The following CAMK1D variants were observed in gnomAD, a reference collection of about 807,000 sequenced individuals.
The protein encoded by CAMK1D is calcium/calmodulin dependent protein kinase ID.
A neutral mutation model predicts 47.7 loss-of-function variants in CAMK1D; 9 were observed. The ratio of observed to expected loss-of-function variants is 0.19; its 90% CI spans 0.11 to 0.33. The LOEUF (loss-of-function observed/expected upper bound fraction) is 0.33, where lower values mean the gene tolerates loss of function less well. CAMK1D is among the 10% of genes least tolerant of loss of function. The pLI, the probability that CAMK1D is intolerant of heterozygous loss-of-function variation, is 1.00. For missense variants in CAMK1D, 291 were observed against 488.7 expected, an observed-to-expected ratio of 0.60 and a Z score of 3.81; for synonymous variants, 184 against 184.9, an observed-to-expected ratio of 0.99 and a Z score of 0.04.
Position 12,492,389 on chromosome 10 carries a change from A to G in CAMK1D, c.93-60836A>G, listed in dbSNP as rs531666662. Among the ~76,000 whole-genome samples the G allele has an allele frequency of 3.2e-4, 49 of 151,334 alleles. No homozygotes were observed. The East Asian group carries it at 8.0e-3, about 25-fold the overall frequency. On this transcript the variant is annotated intron_variant, in intron 1 of 10. Transcript: ENST00000619168. ...AAGAAAAGACTGGGTGCAGTGGCTCATACCTGCCATCCACTCGCATGCTTT... is the reference window on the plus strand; with the variant it reads ...AAGAAAAGACTGGGTGCAGTGGCTCGTACCTGCCATCCACTCGCATGCTTT...
At chr10:12,615,905 G>GGT (rs752886942) in intron 2 of CAMK1D, among the ~76,000 whole-genome samples, 1 of 151,164 alleles carries the variant, frequency 6.6e-6, no homozygotes, top group Admixed American at 6.6e-5. Context: ...AGCATGTGCT[G>GGT]GTGTGTGTAT....
intron 1 of CAMK1D, among the ~76,000 whole-genome samples, chr10:12,482,721 T>C (rs905774138): frequency 2.0e-5 from 3 of 152,232 alleles, no homozygotes; most frequent in Non-Finnish European, 4.4e-5. Context: ...TCTTTTGTTA[T>C]GCACATGTAA....
intron 8 of CAMK1D, among the ~76,000 whole-genome samples, chr10:12,816,745 G>A (rs747452341): frequency 1.4e-4 from 22 of 151,778 alleles, no homozygotes; most frequent in African/African-American, 4.4e-4. Flanking sequence ...GGTGGCGCGC[G>A]CCTGTAATCC....
intron 2 of CAMK1D, among the ~76,000 whole-genome samples, chr10:12,585,746 C>T (rs1277744796): frequency 1.3e-5 from 2 of 152,156 alleles, no homozygotes; most frequent in African/African-American, 2.4e-5. Flanking sequence ...TCCCACAACA[C>T]GTGGGAATTA....
chr10:12,778,379 C>T (rs1253975670), intron 5 of CAMK1D, among the ~76,000 whole-genome samples: 2 of 152,190 alleles, frequency 1.3e-5, no homozygotes, highest in Non-Finnish European at 2.9e-5. Flanking sequence ...GGATTGTACA[C>T]ACCCTTTGCA....
chr10:12,760,781 C>T (rs1436112694), intron 3 of CAMK1D, among the ~76,000 whole-genome samples, 167 bp from the exon 4 acceptor site: 1 of 152,118 alleles, frequency 6.6e-6, no homozygotes, highest in African/African-American at 2.4e-5. Context: ...TCTGCTGTGA[C>T]ATGGAAACAT....
chr10:12,479,476 G>A (rs189627909), intron 1 of CAMK1D, among the ~76,000 whole-genome samples: 150 of 152,278 alleles, frequency 9.9e-4, no homozygotes, highest in Non-Finnish European at 1.9e-3. Flanking sequence ...GATTATAGGC[G>A]CCAGCACCGA....
intron 1 of CAMK1D, among the ~76,000 whole-genome samples, chr10:12,541,468 G>A (rs1290354533): frequency 1.3e-5 from 2 of 152,078 alleles, no homozygotes; most frequent in Admixed American, 1.3e-4. Context: ...GGTTCAAGCA[G>A]TTCTCCTGCC....
intron 6 of CAMK1D, among the ~76,000 whole-genome samples, chr10:12,794,232 T>C (rs1838097297): frequency 2.0e-5 from 3 of 152,028 alleles, no homozygotes. Flanking sequence ...AGTCTTCAAG[T>C]CTCAATCCAA....
In CAMK1D at chr10:12,490,888, C is replaced by T. The variant is rs187165520; in HGVS notation, c.93-62337C>T. 3.9e-4 allele frequency among the ~76,000 whole-genome samples: 60 copies of T among 152,264 alleles called. 1 individual carries two copies. The highest frequency in any genetic ancestry group is 1.4e-3 in the African/African-American group (58 of 41,542). On this transcript the variant is annotated intron_variant, in intron 1 of 10. Coordinates refer to ENST00000619168, the MANE Select transcript of CAMK1D (RefSeq NM_153498.4). Reference sequence around the variant, plus strand: ...ATTTGGTGATGACATACTGTATGCACACATCAGAATATCACACATGCCCCA... The same window carrying T: ...ATTTGGTGATGACATACTGTATGCATACATCAGAATATCACACATGCCCCA...
chr10:12,734,445 T>C lies in CAMK1D; in HGVS notation c.300-26503T>C, dbSNP rs1446596179. ...ATGTATATATATATACACACACACATATGTGTATATATACACATACACATA... is the reference window on the plus strand; with the variant it reads ...ATGTATATATATATACACACACACACATGTGTATATATACACATACACATA... On this transcript the variant is annotated intron_variant, in intron 3 of 10. Transcript: ENST00000619168. Among the ~76,000 whole-genome samples, 7 of 4,094 alleles carry C rather than the reference T, an allele frequency of 1.7e-3. 1 individual carries two copies. The highest frequency in any genetic ancestry group is 1.9e-3 in the African/African-American group (7 of 3,782). The allele number at this position is 4,094 out of a possible 152,430, so 2.7% of individuals were successfully genotyped here.
At chr10:12,401,884 A>G (rs1380600803) in intron 1 of CAMK1D, among the ~76,000 whole-genome samples, 6 of 115,318 alleles carry the variant, frequency 5.2e-5, no homozygotes, top group Non-Finnish European at 7.3e-5. Context: ...GGGAATATAT[A>G]TATTCTCAGA....
At chr10:12,436,206 C>T (rs1187137571) in intron 1 of CAMK1D, among the ~76,000 whole-genome samples, 1 of 152,184 alleles carries the variant, frequency 6.6e-6, no homozygotes, top group Non-Finnish European at 1.5e-5. Context: ...CTTCCTCTTC[C>T]ACGTACAGGC....
intron 6 of CAMK1D, among the ~76,000 whole-genome samples, chr10:12,803,657 A>AAATAAT (rs374759038): frequency 0.038 from 5,745 of 151,854 alleles, 135 homozygotes; most frequent in Non-Finnish European, 0.057. Context: ...TCCATCTCAA[A>AAATAAT]AATAATAATA....
At chr10:12,384,805 A>G (rs1051289103) in intron 1 of CAMK1D, among the ~76,000 whole-genome samples, 6 of 152,358 alleles carry the variant, frequency 3.9e-5, no homozygotes, top group African/African-American at 1.4e-4. Flanking sequence ...ATTGTATTTC[A>G]TCAAAAATTG....
At position 12,593,530 on chromosome 10, in the gene CAMK1D, C is replaced by T. The variant is rs138637542; in HGVS notation, c.224+40174C>T. On this transcript the variant is annotated intron_variant, in intron 2 of 10. Coordinates refer to ENST00000619168, the MANE Select transcript of CAMK1D (RefSeq NM_153498.4). The stretch of plus-strand genomic sequence containing the variant: ...ACTTGAACCCGGGAGGCGGAGGTTG[C>T]GATGAGCCAAGATTGTGCCATTGCA... Among the ~76,000 whole-genome samples the T allele has an allele frequency of 1.7e-3, 254 of 151,092 alleles. 4 individuals carry two copies. The East Asian group carries it at 0.044, about 26-fold the overall frequency.
intron 1 of CAMK1D, among the ~76,000 whole-genome samples, chr10:12,514,680 G>C (rs561340664): frequency 2.0e-5 from 3 of 152,208 alleles, no homozygotes; most frequent in Non-Finnish European, 4.4e-5. Context: ...GTTTTACAGA[G>C]TACGAAGCTA....
intron 1 of CAMK1D, among the ~76,000 whole-genome samples, chr10:12,427,570 G>A (rs1840275698): frequency 6.6e-6 from 1 of 151,992 alleles, no homozygotes; most frequent in Non-Finnish European, 1.5e-5. Flanking sequence ...AATAACCAGC[G>A]CCCCAGCCTG....
At chr10:12,507,698 A>T (rs1235668535) in intron 1 of CAMK1D, among the ~76,000 whole-genome samples, 3 of 152,134 alleles carry the variant, frequency 2.0e-5, no homozygotes, top group Non-Finnish European at 2.9e-5. Flanking sequence ...CTTGAAAACC[A>T]CCAGCCCGGT....
Sources: allele counts gnomAD v4.1 joint callset (sites outside exome capture counted in the v4.1 genomes callset), GRCh38; gene constraint gnomAD v4.1.1; transcripts MANE v1.5; gene names NCBI Gene and HGNC (gene_info 2026-07-23, HGNC 2026-07-21).